The following STEAP1 variants were observed in gnomAD, a reference collection of about 807,000 sequenced individuals.
STEAP1 encodes the protein STEAP family member 1.
In STEAP1, 30 loss-of-function variants were observed where a neutral mutation model predicts 34.4. The ratio of observed to expected loss-of-function variants is 0.87; its 90% confidence interval spans 0.65 to 1.18. The LOEUF (loss-of-function observed/expected upper bound fraction) is 1.18, where lower values mean the gene tolerates loss of function less well. Among genes scored for constraint, STEAP1 ranks in the 50% most tolerant of loss-of-function variants. The pLI is 0.00. For synonymous variants in STEAP1, 116 were observed against 135.3 expected (o/e 0.86, Z 0.99); for missense variants, 318 against 391.1 (o/e 0.81, Z 1.58).
At position 90,156,575 on chromosome 7, in the gene STEAP1, T is replaced by C. The variant is rs528279796; in HGVS notation, c.-32+2032T>C. Among the ~76,000 whole-genome samples, 3 of 152,366 alleles carry C rather than the reference T, an allele frequency of 2.0e-5. No individual in the cohort carries two copies. In the South Asian group the frequency reaches 6.2e-4, roughly 32 times the overall value. Reference sequence around the variant, plus strand: ...CCTCCTGTCAGATGAACAGTGGCATTAGATTCTCCTAAGTGCATGAACCCT... The same window carrying C: ...CCTCCTGTCAGATGAACAGTGGCATCAGATTCTCCTAAGTGCATGAACCCT... On this transcript the variant is annotated intron_variant, in intron 1 of 4. Transcript: ENST00000297205.
chr7:90,164,414 T>G, intron 4 of STEAP1, 63 bp from the exon 5 acceptor site: 2 of 1,507,338 alleles, frequency 1.3e-6, no homozygotes, highest in Non-Finnish European at 8.9e-7. Context: ...CATATCCAGA[T>G]GAGGTAGGAT....
chr7:90,164,562 T>C lies in STEAP1; in HGVS notation c.848T>C (p.Phe283Ser), dbSNP rs1303938367. Residue 283 changes from phenylalanine (F) to serine (S), a missense_variant, in exon 5 of 5, where the codon TTT becomes TCT. Transcript: ENST00000297205. Reference sequence around the variant, plus strand: ...AATAAGTGGATAGATATAAAACAATTTGTATGGTATACACCTCCAACTTTT... The same window carrying C: ...AATAAGTGGATAGATATAAAACAATCTGTATGGTATACACCTCCAACTTTT... ...AWNKWIDIKQ[F>S]VWYTPPTFMI... 3 of 1,613,734 alleles carry C rather than the reference T, an allele frequency of 1.9e-6. No individual in the cohort carries two copies. The highest frequency in any genetic ancestry group is 1.1e-5 in the South Asian group (1 of 91,040).
chr7:90,157,990 G>A (rs1175633277), intron 1 of STEAP1, among the ~76,000 whole-genome samples: 3 of 152,324 alleles, frequency 2.0e-5, no homozygotes, highest in East Asian at 3.9e-4. Context: ...CTACTAATCT[G>A]TATAGCATGT....
intron 1 of STEAP1, among the ~76,000 whole-genome samples, chr7:90,157,290 C>T (rs1421993467): frequency 6.6e-6 from 1 of 152,192 alleles, no homozygotes; most frequent in Non-Finnish European, 1.5e-5. Context: ...TTCTCTGCTT[C>T]TTGTTCTGCT....
In STEAP1 at chr7:90,164,675, A is replaced by G; in HGVS notation, c.961A>G (p.Arg321Gly). The stretch of plus-strand genomic sequence containing the variant: ...CTTGAGGAAGAAGATACTGAAGATT[A>G]GACATGGTTGGGAAGACGTCACCAA... ...PCLRKKILKI[R>G]HGWEDVTKIN... is the part of the protein sequence containing the mutation. The change falls in exon 5 of 5, where the codon AGA becomes GGA. Residue 321 changes from arginine (R) to glycine (G), a missense_variant. By Grantham distance (125) the Arg-to-Gly change is moderately radical (BLOSUM62 -2). Transcript: ENST00000297205. 1 of 1,613,684 alleles carries G rather than the reference A, an allele frequency of 6.2e-7. No homozygotes were observed. Among genetic ancestry groups the G allele is most frequent in the South Asian group, 1.1e-5 (1 of 91,032 alleles).
Position 90,164,541 on chromosome 7 carries a change from A to G in STEAP1, c.827A>G (p.Lys276Arg). The G allele has an allele frequency of 6.2e-7, 1 of 1,613,644 alleles. No homozygotes were observed. Among genetic ancestry groups the G allele is most frequent in the Non-Finnish European group, 8.5e-7 (1 of 1,179,756 alleles). The change falls in exon 5 of 5, where the codon AAG (lysine) becomes AGG (arginine). Residue 276 changes from lysine to arginine, a missense_variant. Lys to Arg is a conservative substitution (Grantham distance 26, BLOSUM62 2). Coordinates refer to ENST00000297205, the MANE Select transcript of STEAP1 (RefSeq NM_012449.3). ...TIHALIFAWN[K>R]WIDIKQFVWY... ...CACGCATTGATTTTTGCCTGGAATAAGTGGATAGATATAAAACAATTTGTA... is the reference window on the plus strand; with the variant it reads ...CACGCATTGATTTTTGCCTGGAATAGGTGGATAGATATAAAACAATTTGTA...
Position 90,164,547 on chromosome 7 carries a change from T to C in STEAP1, c.833T>C (p.Ile278Thr). 2 of 1,613,704 alleles carry C rather than the reference T, an allele frequency of 1.2e-6. No homozygotes were observed. Among genetic ancestry groups the C allele is most frequent in the Middle Eastern group, 1.7e-4 (1 of 6,056 alleles). The change falls in exon 5 of 5, where the codon ATA becomes ACA. Residue 278 changes from isoleucine to threonine, a missense_variant. Coordinates refer to ENST00000297205, the MANE Select transcript of STEAP1 (RefSeq NM_012449.3). ...TTGATTTTTGCCTGGAATAAGTGGA[T>C]AGATATAAAACAATTTGTATGGTAT... ...HALIFAWNKW[I>T]DIKQFVWYTP...
At position 90,159,846 on chromosome 7, in the gene STEAP1, A is replaced by T; in HGVS notation, c.58A>T (p.Arg20Ter). 1.3e-6 allele frequency: 2 copies of T among 1,559,550 alleles called. No homozygotes were observed. The highest frequency in any genetic ancestry group is 1.7e-6 in the Non-Finnish European group (2 of 1,155,006). ...AGAACTTTGGAAAATGAAGCCTAGGAGAAATTTAGAAGAAGACGATTATTT... is the reference window on the plus strand; with the variant it reads ...AGAACTTTGGAAAATGAAGCCTAGGTGAAATTTAGAAGAAGACGATTATTT... The part of the protein sequence containing the change: ...QEELWKMKPR[R>*]NLEEDDYLHK... The change falls in exon 2 of 5, where the codon AGA becomes TGA. Residue 20 changes from arginine to a stop codon, truncating the protein, a stop_gained. Transcript: ENST00000297205. LOFTEE classifies it high-confidence loss of function.
chr7:90,154,847 T>C (rs938999135), intron 1 of STEAP1, among the ~76,000 whole-genome samples: 6 of 152,336 alleles, frequency 3.9e-5, no homozygotes, highest in East Asian at 1.9e-4. Flanking sequence ...AAGTTTGTGC[T>C]CAGGTTGGAT....
At chr7:90,157,523 G>A (rs1451664254) in intron 1 of STEAP1, among the ~76,000 whole-genome samples, 1 of 152,194 alleles carries the variant, frequency 6.6e-6, no homozygotes, top group Non-Finnish European at 1.5e-5. Context: ...GCCCAGGCCT[G>A]AGTCATATAC....
intron 1 of STEAP1, among the ~76,000 whole-genome samples, chr7:90,159,326 A>G (rs889671445): frequency 1.3e-5 from 2 of 152,202 alleles, no homozygotes; most frequent in Non-Finnish European, 2.9e-5. Context: ...CAACCCCAAA[A>G]TTCTGTTAAA....
chr7:90,162,818 A>C lies in STEAP1; in HGVS notation c.762+740A>C, dbSNP rs572298259. 2.0e-5 allele frequency among the ~76,000 whole-genome samples: 3 copies of C among 152,320 alleles called. No homozygotes were observed. The South Asian group carries it at 6.2e-4, about 32-fold the overall frequency. On this transcript the variant is annotated intron_variant, in intron 4 of 4. Transcript: ENST00000297205. ...GAAACAAAAACTCTCTCCTTGAAAT[A>C]ATAGAGTTTTTATCTACCAAAGATA...
rs1794234255 is a variant in STEAP1, at chr7:90,164,801, TTTG to T, written c.*70_*72del. 7.1e-7 allele frequency: 1 copy of T among 1,412,134 alleles called. No individual in the cohort carries two copies. Among genetic ancestry groups the T allele is most frequent in the African/African-American group, 1.4e-5 (1 of 69,466 alleles). The allele number at this position is 1,412,134 out of a possible 1,614,324, so 87.5% of individuals were successfully genotyped here. A position where few individuals can be genotyped will look rare whatever the true frequency, so the allele number is the denominator to read the frequency against. On this transcript the variant is annotated 3_prime_UTR_variant, in exon 5 of 5. Coordinates refer to ENST00000297205, the MANE Select transcript of STEAP1 (RefSeq NM_012449.3). ...TTATCACCAACATTTCAAGTTTGTA[TTTG>T]TTAATAAAATGATTATTCAAGGATC...
At chr7:90,162,313 T>C (rs1794197215) in intron 4 of STEAP1, 3 of 623,034 alleles carry the variant, frequency 4.8e-6, no homozygotes, top group Non-Finnish European at 6.9e-6. Context: ...TTTTTTTTTG[T>C]TTGTTTGTTT....
intron 4 of STEAP1, 119 bp downstream of exon 4, chr7:90,162,197 A>G: frequency 3.6e-6 from 5 of 1,383,238 alleles, no homozygotes; most frequent in Non-Finnish European, 4.7e-6. Context: ...AAGATCTTAT[A>G]CTTGTTCCAA....
chr7:90,164,466 T>C lies in STEAP1; in HGVS notation c.763-11T>C. ...GAACCAATCTTCACCAATTTTGTTT[T>C]TCTTTTGCAGAGCAAGCTAGGAATT... On this transcript the variant is annotated splice_polypyrimidine_tract_variant and intron_variant, in intron 4 of 4. Coordinates refer to ENST00000297205, the MANE Select transcript of STEAP1 (RefSeq NM_012449.3). The C allele has an allele frequency of 6.3e-7, 1 of 1,591,972 alleles. No individual in the cohort carries two copies. The highest frequency in any genetic ancestry group is 2.2e-5 in the East Asian group (1 of 44,482).
intron 4 of STEAP1, among the ~76,000 whole-genome samples, chr7:90,162,733 C>A (rs1301052735): frequency 6.6e-6 from 1 of 152,118 alleles, no homozygotes; most frequent in African/African-American, 2.4e-5. Flanking sequence ...AAAAAATATT[C>A]TTTTACCTGT....
intron 2 of STEAP1, among the ~76,000 whole-genome samples, chr7:90,160,256 T>A (rs1337785358): frequency 6.6e-6 from 1 of 152,108 alleles, no homozygotes; most frequent in Non-Finnish European, 1.5e-5. Context: ...TAAGCAAGCA[T>A]TTTTGTCATA....
chr7:90,161,285 A>G lies in STEAP1; in HGVS notation c.565A>G (p.Arg189Gly), dbSNP rs199539511. The G allele has an allele frequency of 6.2e-7, 1 of 1,613,754 alleles. No homozygotes were observed. Among genetic ancestry groups the G allele is most frequent in the South Asian group, 1.1e-5 (1 of 91,046 alleles). Residue 189 changes from arginine (R) to glycine (G), a missense_variant, in exon 3 of 5, where the codon AGA becomes GGA. By Grantham distance (125) the Arg-to-Gly change is moderately radical. Transcript: ENST00000297205. The part of the protein sequence containing the change: ...SLSYPMRRSY[R>G]YKLLNWAYQQ... ...GTCTTACCCAATGAGGCGATCCTACAGATACAAGTTGCTAAACTGGGCATA... is the reference window on the plus strand; with the variant it reads ...GTCTTACCCAATGAGGCGATCCTACGGATACAAGTTGCTAAACTGGGCATA...
Sources: gnomAD v4.1 joint callset for allele counts (sites outside exome capture counted in the v4.1 genomes callset) on GRCh38, gnomAD v4.1.1 for gene constraint, MANE v1.5 for transcripts, NCBI Gene and HGNC (gene_info 2026-07-23, HGNC 2026-07-21) for gene names.